DENND2D: variants seen among roughly 807,000 people sequenced by gnomAD.
DENND2D encodes the protein DENN domain-containing protein 2D.
DENND2D carries 37 observed loss-of-function variants against 59.8 expected under a neutral mutation model. That is an observed-to-expected ratio of 0.62 (90% CI 0.48 to 0.81). The LOEUF is 0.81. Among genes scored for constraint, DENND2D ranks in the 40% least tolerant of loss-of-function variants. DENND2D has a pLI of 0.00. For synonymous variants in DENND2D, 219 were observed against 211.3 expected, an observed-to-expected ratio of 1.04 and a Z score of -0.31; for missense variants, 525 against 579.7, an observed-to-expected ratio of 0.91 and a Z score of 0.97.
At chr1:111,188,873 T>C in intron 9 of DENND2D, 87 bp from the exon 10 acceptor site, 3 of 1,130,168 alleles carry the variant, frequency 2.7e-6, no homozygotes, top group Admixed American at 1.7e-5. Flanking sequence ...GGGCATGAAT[T>C]CTACACCCCC....
In DENND2D at chr1:111,192,326, G is replaced by C; in HGVS notation, c.795-9C>G. The C allele has an allele frequency of 6.4e-7, 1 of 1,574,184 alleles. No homozygotes were observed. The highest frequency in any genetic ancestry group is 1.7e-5 in the Admixed American group (1 of 57,694). ...TGCACTGAGACAAGGTGCTGGGACA[G>C]AGCACAGAGGATGAGAGTCAGGGGG... On this transcript the variant is annotated splice_polypyrimidine_tract_variant and intron_variant, in intron 7 of 11. Transcript: ENST00000357640.
intron 7 of DENND2D, 28 bp from the exon 8 acceptor site, chr1:111,192,345 CA>C (rs1478753908): frequency 1.8e-5 from 27 of 1,536,906 alleles, no homozygotes; most frequent in Middle Eastern, 2.0e-4. Context: ...GGATGAGAGT[CA>C]GGGGGCCCCT....
intron 7 of DENND2D, among the ~76,000 whole-genome samples, chr1:111,193,561 AAC>A (rs1254312259): frequency 1.3e-5 from 2 of 152,198 alleles, no homozygotes; most frequent in Middle Eastern, 3.2e-3. Flanking sequence ...CAGAATCTTC[AAC>A]ACAGAGACCC....
chr1:111,204,156 G>T, upstream of DENND2D: 1 of 623,484 alleles, frequency 1.6e-6, no homozygotes, highest in Non-Finnish European at 2.1e-6. Flanking sequence ...CTGCCCCCGC[G>T]CAGCCTCCTG....
chr1:111,187,615 GT>G lies in DENND2D; in HGVS notation c.1405del (p.Thr469LeufsTer2). On this transcript the variant is annotated frameshift_variant, in exon 12 of 12. Transcript: ENST00000357640. LOFTEE classifies it high-confidence loss of function. The part of the protein sequence containing the change: ...QKKQKKPREK[T>X]VK ...TATTCACCACAGCTCTTATTTCACA[GT>G]TTTTTCCCTTGGTTTCTTCTGTTTC... 6.2e-7 allele frequency: 1 copy of G among 1,613,232 alleles called. No homozygotes were observed. The highest frequency in any genetic ancestry group is 8.5e-7 in the Non-Finnish European group (1 of 1,179,272).
intron 6 of DENND2D, 125 bp downstream of exon 6, chr1:111,195,791 C>A (rs1658171346): frequency 7.2e-7 from 1 of 1,384,932 alleles, no homozygotes; most frequent in African/African-American, 1.4e-5. Flanking sequence ...CTAACCAAGT[C>A]CCAGTCCCCA....
intron 2 of DENND2D, among the ~76,000 whole-genome samples, chr1:111,199,176 C>A (rs1442756382): frequency 6.6e-6 from 1 of 152,222 alleles, no homozygotes; most frequent in African/African-American, 2.4e-5. Flanking sequence ...AAGGATCAGA[C>A]AAGGAGTCTA....
In DENND2D at chr1:111,186,221, C is replaced by A. The variant is rs1227592919; in HGVS notation, c.*1384G>T. On this transcript the variant is annotated 3_prime_UTR_variant, in exon 12 of 12. Transcript: ENST00000357640. ...GATGAGGCATAAGAGGATATTTTCACAAGATTCTCAGGATTCCAGTTCCTG... is the reference window on the plus strand; with the variant it reads ...GATGAGGCATAAGAGGATATTTTCAAAAGATTCTCAGGATTCCAGTTCCTG... Among the ~76,000 whole-genome samples the A allele has an allele frequency of 3.9e-5, 6 of 152,156 alleles. No homozygotes were observed. The highest frequency in any genetic ancestry group is 7.3e-5 in the Non-Finnish European group (5 of 68,032).
rs1658401532 is a variant in DENND2D at position 111,197,909 on chromosome 1, G to T, written c.426+11C>A. On this transcript the variant is annotated intron_variant, in intron 4 of 11. Coordinates refer to ENST00000357640, the MANE Select transcript of DENND2D (RefSeq NM_024901.5). ...TGCAGAAAGGAAGGGGCAGTTCTGA[G>T]CTGCACAGACCAAGAGGCGCCTGCA... is the stretch of plus-strand genomic sequence containing the variant. 6.2e-7 allele frequency: 1 copy of T among 1,613,710 alleles called. No individual in the cohort carries two copies. The highest frequency in any genetic ancestry group is 2.2e-5 in the East Asian group (1 of 44,884).
chr1:111,200,702 C>T (rs1186586470), upstream of DENND2D: 7 of 1,292,936 alleles, frequency 5.4e-6, no homozygotes, highest in Admixed American at 2.2e-4. Flanking sequence ...CATCCTGGCA[C>T]TGCAGCGCAG....
chr1:111,190,953 C>G (rs538768432), intron 8 of DENND2D, among the ~76,000 whole-genome samples: 4 of 152,152 alleles, frequency 2.6e-5, no homozygotes, highest in African/African-American at 9.6e-5. Context: ...AAGATTGTTC[C>G]CAGAAATCTT....
chr1:111,187,328 A>G lies in DENND2D; in HGVS notation c.*277T>C, dbSNP rs1298757901. The G allele has an allele frequency of 4.6e-6, 2 of 439,038 alleles. No homozygotes were observed. Among genetic ancestry groups the G allele is most frequent in the East Asian group, 7.9e-5 (2 of 25,344 alleles). 27.2% of individuals were successfully genotyped at this position (439,038 alleles called of 1,614,324 possible). A position where few individuals can be genotyped will look rare whatever the true frequency, so the allele number is the denominator to read the frequency against. On this transcript the variant is annotated 3_prime_UTR_variant, in exon 12 of 12. Transcript: ENST00000357640. Reference sequence around the variant, plus strand: ...AGCAGCTTCTAACCAAGTGTCTACAACACATGTACTACTGTTTCCTACCTG... The same window carrying G: ...AGCAGCTTCTAACCAAGTGTCTACAGCACATGTACTACTGTTTCCTACCTG...
Position 111,199,781 on chromosome 1 carries a change from A to C in DENND2D, c.85T>G (p.Ser29Ala), listed in dbSNP as rs576576200. 1 of 1,613,916 alleles carries C rather than the reference A, an allele frequency of 6.2e-7. No homozygotes were observed. The highest frequency in any genetic ancestry group is 8.5e-7 in the Non-Finnish European group (1 of 1,179,950). Residue 29 changes from serine (S) to alanine (A), a missense_variant, in exon 2 of 12, where the codon TCA becomes GCA. Physicochemically the swap from Ser to Ala is moderately conservative, Grantham distance 99. Coordinates refer to ENST00000357640, the MANE Select transcript of DENND2D (RefSeq NM_024901.5). Reference sequence around the variant, plus strand: ...TCTGGTTCCTTTAAAGCTTCCCCTGAATTGTCCTGGGGTGGTCCTGAAATC... The same window carrying C: ...TCTGGTTCCTTTAAAGCTTCCCCTGCATTGTCCTGGGGTGGTCCTGAAATC... ...QLRAGPPQDN[S>A]GEALKEPERA...
intron 1 of DENND2D, 173 bp from the exon 2 acceptor site, chr1:111,199,971 C>G: frequency 2.7e-6 from 2 of 749,368 alleles, no homozygotes; most frequent in Non-Finnish European, 4.2e-6. Flanking sequence ...GGGCAGTTTC[C>G]ACACCTGCCC....
chr1:111,197,740 GGTCCTC>G (rs1658383628), intron 4 of DENND2D, 174 bp downstream of exon 4: 1 of 1,429,804 alleles, frequency 7.0e-7, no homozygotes, highest in Non-Finnish European at 9.1e-7. Context: ...AGGGGCATCA[GGTCCTC>G]GTGCTTGTGG....
chr1:111,201,130 T>C (rs1434177901), upstream of DENND2D: 1 of 153,236 alleles, frequency 6.5e-6, no homozygotes, highest in Non-Finnish European at 1.5e-5. Flanking sequence ...CTTGGCCTAA[T>C]AATTATCCAA....
intron 7 of DENND2D, among the ~76,000 whole-genome samples, chr1:111,194,265 C>A (rs1292318874): frequency 6.6e-6 from 1 of 152,118 alleles, no homozygotes; most frequent in African/African-American, 2.4e-5. Context: ...CCTCCCTCAG[C>A]CTTGCAAGGG....
intron 3 of DENND2D, 125 bp downstream of exon 3, chr1:111,198,505 A>C: frequency 1.1e-6 from 1 of 911,806 alleles, no homozygotes; most frequent in East Asian, 2.6e-5. Context: ...TTTCAAACAA[A>C]TCAATTACAC....
chr1:111,198,590 TC>T (rs777784507), intron 3 of DENND2D, 39 bp downstream of exon 3: 100 of 1,595,144 alleles, frequency 6.3e-5, no homozygotes, highest in Non-Finnish European at 6.6e-5. Flanking sequence ...ATGTTCCTTC[TC>T]CCCAAATCCA....
Sources: allele counts gnomAD v4.1 joint callset (sites outside exome capture counted in the v4.1 genomes callset), GRCh38; gene constraint gnomAD v4.1.1; transcripts MANE v1.5; gene names NCBI Gene and HGNC (gene_info 2026-07-23, HGNC 2026-07-21).